BCAR1: variants seen among roughly 807,000 people sequenced by gnomAD.
BCAR1 encodes the protein breast cancer anti-estrogen resistance protein 1.
In BCAR1, 30 loss-of-function variants were observed where a neutral mutation model predicts 67.6. The ratio of observed to expected loss-of-function variants is 0.44; its 90% CI spans 0.33 to 0.60. The LOEUF is 0.60. BCAR1 is among the 20% of genes least tolerant of loss of function. BCAR1 has a pLI of 0.02. For synonymous variants in BCAR1, 626 were observed against 556.7 expected (o/e 1.12, Z -1.75); for missense variants, 1,313 against 1,222.3 (o/e 1.07, Z -1.11).
intron 1 of BCAR1, chr16:75,266,657 G>T (rs2078013328): frequency 8.4e-7 from 1 of 1,195,502 alleles, no homozygotes; most frequent in Non-Finnish European, 1.1e-6. Context: ...CTCCTGCCAG[G>T]CAGGCCTTGC....
At chr16:75,246,657 C>T (rs1280364161) in intron 1 of BCAR1, 3 of 152,290 alleles carry the variant, frequency 2.0e-5, no homozygotes, top group African/African-American at 7.2e-5. Flanking sequence ...ACGTCATCCG[C>T]ACAACCAGCT....
At chr16:75,243,159 T>A in intron 1 of BCAR1, 69 bp from the exon 2 acceptor site, 2 of 1,473,472 alleles carry the variant, frequency 1.4e-6, no homozygotes, top group Non-Finnish European at 1.8e-6. Flanking sequence ...CCCCAGCTCC[T>A]GCCCTGCTCT....
intron 1 of BCAR1, chr16:75,263,939 G>A (rs1377493959): frequency 7.2e-6 from 8 of 1,106,846 alleles, no homozygotes; most frequent in East Asian, 5.1e-5. Flanking sequence ...AAGGTCCCAG[G>A]AGAGAGAGCC....
Position 75,228,539 on chromosome 16 carries a change from GTA to G in BCAR1, c.*970_*971del, listed in dbSNP as rs1841666369. Reference sequence around the variant, plus strand: ...CTCCCAACTCAGATGCCAGGTCCAGGTATAATTCCATGTGCACTTCGGGAGTT... The same window carrying G: ...CTCCCAACTCAGATGCCAGGTCCAGGTAATTCCATGTGCACTTCGGGAGTT... On this transcript the variant is annotated 3_prime_UTR_variant, in exon 7 of 7. Transcript: ENST00000162330. 6.6e-6 allele frequency: 1 copy of G among 152,528 alleles called. No individual in the cohort carries two copies. The highest frequency in any genetic ancestry group is 6.5e-5 in the Admixed American group (1 of 15,304). The allele number at this position is 152,528 out of a possible 1,614,324, so 9.4% of individuals were successfully genotyped here.
chr16:75,235,304 G>T lies in BCAR1; in HGVS notation c.1595C>A (p.Thr532Lys), dbSNP rs1385401292. 6.2e-7 allele frequency: 1 copy of T among 1,605,570 alleles called. No homozygotes were observed. The highest frequency in any genetic ancestry group is 2.2e-5 in the East Asian group (1 of 44,656). ...CTTGGCATGCAGGGCACGGTCAGATGTGTGGGCAGCATTGCCCACCGCGCT... is the reference window on the plus strand; with the variant it reads ...CTTGGCATGCAGGGCACGGTCAGATTTGTGGGCAGCATTGCCCACCGCGCT... The part of the protein sequence containing the change: ...ARSAVGNAAH[T>K]SDRALHAKLS... Residue 532 changes from threonine (T) to lysine (K), a missense_variant, in exon 5 of 7, where the codon ACA becomes AAA. Transcript: ENST00000162330.
At chr16:75,234,042 C>A in intron 5 of BCAR1, 107 bp from the exon 6 acceptor site, 3 of 1,033,746 alleles carry the variant, frequency 2.9e-6, no homozygotes, top group South Asian at 2.8e-5. Context: ...GGTGGTGCTG[C>A]GTGTGCGCGC....
Position 75,235,683 on chromosome 16 carries a change from C to G in BCAR1, c.1216G>C (p.Asp406His), listed in dbSNP as rs753667550. ...GGAGGCACCGCATACACACCACTGT[C>G]GACCACGCCACCATCAGCCACCTCA... ...PPEVADGGVV[D>H]SGVYAVPPPA... is the part of the protein sequence containing the mutation. Residue 406 changes from aspartate to histidine, a missense_variant, in exon 5 of 7, where the codon GAC (aspartate) becomes CAC (histidine). Asp to His is a moderately conservative substitution (Grantham distance 81). Coordinates refer to ENST00000162330, the MANE Select transcript of BCAR1 (RefSeq NM_014567.5). 6.2e-6 allele frequency: 10 copies of G among 1,611,590 alleles called. No individual in the cohort carries two copies. Among genetic ancestry groups the G allele is most frequent in the South Asian group, 1.1e-5 (1 of 90,824 alleles).
intron 2 of BCAR1, chr16:75,239,067 G>A (rs1004212622): frequency 2.0e-6 from 2 of 985,320 alleles, no homozygotes; most frequent in African/African-American, 3.5e-5. Flanking sequence ...CACTCTTGGA[G>A]CTGAGTCGGG....
At chr16:75,266,025 C>A in intron 1 of BCAR1, 2 of 1,026,776 alleles carry the variant, frequency 1.9e-6, no homozygotes, top group Non-Finnish European at 2.3e-6. Context: ...CCGCGCCGCC[C>A]CCCCCACCGT....
At chr16:75,237,553 G>C in intron 2 of BCAR1, 1 of 573,804 alleles carries the variant, frequency 1.7e-6, no homozygotes, top group East Asian at 3.4e-5. Flanking sequence ...AAGAACTCTG[G>C]GTTTTATTCA....
chr16:75,263,194 GA>G, intron 1 of BCAR1: 1 of 985,260 alleles, frequency 1.0e-6, no homozygotes, highest in Non-Finnish European at 1.2e-6. Flanking sequence ...TGGGAAGCAA[GA>G]AGCAGAACAG....
chr16:75,235,639 G>T lies in BCAR1; in HGVS notation c.1260C>A (p.Ala420=). Residue 420 remains alanine (A), a synonymous_variant, in exon 5 of 7, where the codon GCC becomes GCA. Coordinates refer to ENST00000162330, the MANE Select transcript of BCAR1 (RefSeq NM_014567.5). ...YAVPPPAERE[A]PAEGKRLSAS... ...CCGACAGGCGCTTGCCCTCTGCCGGGGCTTCACGTTCAGCTGGGGGAGGCA... is the reference window on the plus strand; with the variant it reads ...CCGACAGGCGCTTGCCCTCTGCCGGTGCTTCACGTTCAGCTGGGGGAGGCA... 1 of 1,607,678 alleles carries T rather than the reference G, an allele frequency of 6.2e-7. No individual in the cohort carries two copies.
intron 6 of BCAR1, among the ~76,000 whole-genome samples, chr16:75,231,874 A>C (rs1407406272): frequency 6.6e-6 from 1 of 152,182 alleles, no homozygotes; most frequent in Admixed American, 6.5e-5. Context: ...TATATTGTTG[A>C]TATTTCAGGA....
At chr16:75,236,341 C>T (rs954339565) in intron 4 of BCAR1, 3 of 371,274 alleles carry the variant, frequency 8.1e-6, no homozygotes, top group Non-Finnish European at 1.5e-5. Flanking sequence ...CAGACACTCA[C>T]TGAAAGGTTA....
rs368429444 is a variant in BCAR1, at chr16:75,234,919, C to A, written c.1980G>T (p.Trp660Cys). 26 of 1,551,866 alleles carry A rather than the reference C, an allele frequency of 1.7e-5. No individual in the cohort carries two copies. Among genetic ancestry groups the A allele is most frequent in the Non-Finnish European group, 2.3e-5 (26 of 1,143,988 alleles). ...DGQYENSEGG[W>C]MEDYDYVHLQ... ...GGTGGACGTAGTCATAGTCCTCCAT[C>A]CAGCCCCCCTCGCTGTTCTCGTACT... is the stretch of plus-strand genomic sequence containing the variant. The change falls in exon 5 of 7, where the codon TGG becomes TGT. Residue 660 changes from tryptophan to cysteine, a missense_variant. This residue lies in a region of BCAR1 where 1,272 missense variants were observed against 1,137.5 expected (regional missense o/e 1.12). Transcript: ENST00000162330.
chr16:75,234,053 A>G (rs934299231), intron 5 of BCAR1, 118 bp from the exon 6 acceptor site: 73 of 851,450 alleles, frequency 8.6e-5, no homozygotes, highest in Middle Eastern at 5.6e-4. Context: ...GTGTGCGCGC[A>G]CACACACGCA....
At position 75,232,900 on chromosome 16, in the gene BCAR1, C is replaced by T. The variant is rs137989448; in HGVS notation, c.2100+946G>A. 2.4e-3 allele frequency among the ~76,000 whole-genome samples: 373 copies of T among 152,270 alleles called. 2 individuals carry two copies. Among genetic ancestry groups the T allele is most frequent in the African/African-American group, 8.6e-3 (359 of 41,534 alleles). On this transcript the variant is annotated intron_variant, in intron 6 of 6. Coordinates refer to ENST00000162330, the MANE Select transcript of BCAR1 (RefSeq NM_014567.5). ...CAGAAGGTAGGCGAGGGAGATTTGA[C>T]GGGTGATATTTTTATGTTCACTTCG...
chr16:75,251,126 A>T (rs990610247), intron 1 of BCAR1, among the ~76,000 whole-genome samples: 6 of 152,076 alleles, frequency 3.9e-5, no homozygotes, highest in African/African-American at 1.4e-4. Flanking sequence ...GAGGAAACTG[A>T]GGCTCGGAGG....
At chr16:75,248,785 G>T (rs2077595739) in intron 1 of BCAR1, 1 of 153,006 alleles carries the variant, frequency 6.5e-6, no homozygotes, top group African/African-American at 2.4e-5. Context: ...CGGAGAGGAT[G>T]AGGCCGGGAA....
Sources: allele counts gnomAD v4.1 joint callset (sites outside exome capture counted in the v4.1 genomes callset), GRCh38; gene constraint gnomAD v4.1.1; regional missense constraint gnomAD v4.1.1; transcripts MANE v1.5; gene names NCBI Gene and HGNC (gene_info 2026-07-23, HGNC 2026-07-21).